Variants in AP3M2 observed in about 807,000 individuals in gnomAD.
The protein encoded by AP3M2 is adaptor related protein complex 3 subunit mu 2, also known as AP-3 complex subunit mu-2.
In AP3M2, 28 loss-of-function variants were observed where a neutral mutation model predicts 41.6. The observed-to-expected ratio is 0.67, with a 90% CI of 0.50 to 0.92. The LOEUF (loss-of-function observed/expected upper bound fraction) is 0.92, where lower values mean the gene tolerates loss of function less well. Ranked by LOEUF, AP3M2 falls within the 40% of genes least tolerant of loss-of-function variation. The probability of loss-of-function intolerance (pLI) is 0.00; values close to 1 mark genes in which losing one functional copy is unlikely to be tolerated. For synonymous variants in AP3M2, 193 were observed against 186.4 expected (o/e 1.04, Z -0.29); for missense variants, 427 against 521.4 (o/e 0.82, Z 1.76).
intron 2 of AP3M2, 101 bp from the exon 3 acceptor site, chr8:42,157,840 A>AT: frequency 8.5e-7 from 1 of 1,171,548 alleles, no homozygotes; most frequent in Non-Finnish European, 1.2e-6. Context: ...CCAGAAACAC[A>AT]TGGACAGGCC....
At chr8:42,158,529 G>A (rs376697035) in intron 3 of AP3M2, among the ~76,000 whole-genome samples, 6 of 152,222 alleles carry the variant, frequency 3.9e-5, no homozygotes, top group South Asian at 4.2e-4. Flanking sequence ...GATTACAGGT[G>A]TGAGCCACCG....
chr8:42,161,101 G>T (rs1415391392), intron 3 of AP3M2, among the ~76,000 whole-genome samples: 1 of 152,096 alleles, frequency 6.6e-6, no homozygotes, highest in Non-Finnish European at 1.5e-5. Flanking sequence ...ACAGGAGTTC[G>T]AAATCAGCCT....
intron 3 of AP3M2, 131 bp downstream of exon 3, chr8:42,158,243 TGTA>T (rs1804410720): frequency 5.5e-6 from 5 of 902,246 alleles, no homozygotes; most frequent in South Asian, 2.0e-5. Context: ...TTTTGCTCTT[TGTA>T]GTTGTTTTTT....
rs1465672439 is a variant in AP3M2 at position 42,157,921 on chromosome 8, GT to G, written c.274-19del. 1 of 1,603,774 alleles carries G rather than the reference GT, an allele frequency of 6.2e-7. No homozygotes were observed. The highest frequency in any genetic ancestry group is 8.5e-7 in the Non-Finnish European group (1 of 1,171,282). ...TTTACAGTATCTGAGTGATCAATGT[GT>G]ATATTCTGTCTCCATCAGGATTATT... On this transcript the variant is annotated intron_variant, in intron 2 of 8. Transcript: ENST00000396926.
At chr8:42,158,643 T>G (rs1274449245) in intron 3 of AP3M2, among the ~76,000 whole-genome samples, 1 of 152,192 alleles carries the variant, frequency 6.6e-6, no homozygotes, top group African/African-American at 2.4e-5. Flanking sequence ...TTAAAAATAT[T>G]TTTTTCTGAT....
At chr8:42,154,065 G>A (rs1337118769) in intron 1 of AP3M2, 1 of 152,038 alleles carries the variant, frequency 6.6e-6, no homozygotes, top group Non-Finnish European at 1.5e-5. Context: ...TAAATTATTG[G>A]TAAGATATTT....
chr8:42,167,480 A>T (rs1804672271), intron 7 of AP3M2, 109 bp downstream of exon 7: 1 of 1,419,010 alleles, frequency 7.0e-7, no homozygotes, highest in Non-Finnish European at 9.6e-7. Context: ...AGTCAAAGGG[A>T]CCTTGTTTTC....
At chr8:42,166,935 G>T (rs6474379) in intron 6 of AP3M2, 1 of 528,618 alleles carries the variant, frequency 1.9e-6, no homozygotes. Flanking sequence ...GATTTTGTTT[G>T]TATTATTCAG....
intron 3 of AP3M2, 115 bp downstream of exon 3, chr8:42,158,227 C>T: frequency 7.0e-6 from 7 of 1,006,090 alleles, no homozygotes; most frequent in South Asian, 1.9e-5. Flanking sequence ...TGTCCCAGTG[C>T]TTTAATTTTG....
At position 42,158,123 on chromosome 8, in the gene AP3M2, G is replaced by C. The variant is rs199984902; in HGVS notation, c.445+11G>C. 9.3e-6 allele frequency: 15 copies of C among 1,609,878 alleles called. No homozygotes were observed. Among genetic ancestry groups the C allele is most frequent in the Non-Finnish European group, 1.3e-5 (15 of 1,176,436 alleles). On this transcript the variant is annotated intron_variant, in intron 3 of 8. Coordinates refer to ENST00000396926, the MANE Select transcript of AP3M2 (RefSeq NM_006803.4). ...TCAACACCATCACAGGTACGGCAGA[G>C]GGGGAAACTGATAGATAGTGGCCAT... is the stretch of plus-strand genomic sequence containing the variant.
chr8:42,158,833 G>T (rs1246805675), intron 3 of AP3M2, among the ~76,000 whole-genome samples: 2 of 142,700 alleles, frequency 1.4e-5, no homozygotes, highest in African/African-American at 2.6e-5. Flanking sequence ...TTGCTCTGTT[G>T]CCCAGGATGG....
At chr8:42,167,061 G>C in intron 6 of AP3M2, 103 bp from the exon 7 acceptor site, 1 of 946,198 alleles carries the variant, frequency 1.1e-6, no homozygotes, top group Non-Finnish European at 1.7e-6. Context: ...ACATAGTTAA[G>C]GGAGAAGAAG....
intron 3 of AP3M2, 135 bp downstream of exon 3, chr8:42,158,247 GTTGTTT>G (rs1804411629): frequency 3.7e-4 from 140 of 377,742 alleles, no homozygotes; most frequent in African/African-American, 7.6e-4. Flanking sequence ...GCTCTTTGTA[GTTGTTT>G]TTTTTTTTTT....
chr8:42,167,342 G>A lies in AP3M2; in HGVS notation c.982G>A (p.Gly328Arg), dbSNP rs1804668392. 1.2e-6 allele frequency: 2 copies of A among 1,614,156 alleles called. No individual in the cohort carries two copies. The highest frequency in any genetic ancestry group is 1.7e-6 in the Non-Finnish European group (2 of 1,180,024). ...VLNMSLTPSQ[G>R]THTFDPVTKM... ...GAACATGAGCCTTACTCCATCACAG[G>A]GGACACACACATTCGACCCAGTCAC... Residue 328 changes from glycine to arginine, a missense_variant, in exon 7 of 9, where the codon GGG becomes AGG. Gly to Arg is a moderately radical substitution (Grantham distance 125). Transcript: ENST00000396926.
chr8:42,157,422 G>A (rs938198509), intron 2 of AP3M2, among the ~76,000 whole-genome samples: 3 of 152,180 alleles, frequency 2.0e-5, no homozygotes, highest in African/African-American at 7.2e-5. Flanking sequence ...AGGACAAAGA[G>A]TTCTTGGAAT....
chr8:42,161,342 G>T (rs1482199392), intron 3 of AP3M2, among the ~76,000 whole-genome samples: 2 of 152,138 alleles, frequency 1.3e-5, no homozygotes, highest in African/African-American at 4.8e-5. Context: ...TGGGCATGGT[G>T]GCTCACATCT....
chr8:42,156,979 A>G (rs1804370951), intron 2 of AP3M2, among the ~76,000 whole-genome samples: 1 of 152,210 alleles, frequency 6.6e-6, no homozygotes, highest in Non-Finnish European at 1.5e-5. Flanking sequence ...GAACTTTGGA[A>G]TGATCAGAGC....
intron 3 of AP3M2, among the ~76,000 whole-genome samples, chr8:42,159,285 G>A (rs1804443600): frequency 1.3e-5 from 2 of 152,210 alleles, no homozygotes; most frequent in Non-Finnish European, 2.9e-5. Flanking sequence ...GTGTCAAGGG[G>A]TGTATACATT....
At position 42,162,711 on chromosome 8, in the gene AP3M2, G is replaced by A. The variant is rs549690985; in HGVS notation, c.583+293G>A. 1.1e-3 allele frequency among the ~76,000 whole-genome samples: 170 copies of A among 152,184 alleles called. 1 individual carries two copies. The highest frequency in any genetic ancestry group is 3.8e-3 in the African/African-American group (159 of 41,528). ...TGTAATCCCAGCACTTTGGAAAGCT[G>A]AGGCGGGAGGATTGCTTGAGCCCAG... On this transcript the variant is annotated intron_variant, in intron 4 of 8. Transcript: ENST00000396926.
Sources: gnomAD v4.1 joint callset for allele counts (sites outside exome capture counted in the v4.1 genomes callset) on GRCh38, gnomAD v4.1.1 for gene constraint, MANE v1.5 for transcripts, NCBI Gene and HGNC (gene_info 2026-07-23, HGNC 2026-07-21) for gene names.